Variants in SV2C observed in about 807,000 individuals in gnomAD.
The protein encoded by SV2C is solute carrier family 22 member B3.
Under a neutral mutation model 79.7 loss-of-function variants are expected in SV2C, and 49 were observed. The ratio of observed to expected loss-of-function variants is 0.61; its 90% CI spans 0.49 to 0.78. SV2C has a LOEUF of 0.78. Ranked by LOEUF, SV2C falls within the 30% of genes least tolerant of loss-of-function variation. The pLI is 0.00. For missense variants in SV2C, 833 were observed against 912.9 expected, an observed-to-expected ratio of 0.91 and a Z score of 1.13; for synonymous variants, 334 against 333.2, an observed-to-expected ratio of 1.00 and a Z score of -0.03.
At chr5:75,984,575 C>CTA in the SV2C span, among the ~76,000 whole-genome samples, 70 of 81,296 alleles carry the variant, frequency 8.6e-4, no homozygotes, top group East Asian at 1.8e-3. Flanking sequence ...CTATATCTAT[C>CTA]TATCTATCTA....
At chr5:75,943,718 G>A in the SV2C span, among the ~76,000 whole-genome samples, 1 of 152,190 alleles carries the variant, frequency 6.6e-6, no homozygotes, top group Non-Finnish European at 1.5e-5. Context: ...GGAAACAAGT[G>A]AGGTCTAGAC....
the SV2C span, among the ~76,000 whole-genome samples, chr5:76,030,289 T>TTTTTTTTATTTATTTA: frequency 6.8e-5 from 8 of 117,872 alleles, no homozygotes; most frequent in African/African-American, 3.1e-4. Context: ...TTTTTTTTTT[T>TTTTTTTTATTTATTTA]TTTATTTATT....
the SV2C span, among the ~76,000 whole-genome samples, chr5:76,030,289 T>TATTTTTTTATTTA: frequency 8.5e-6 from 1 of 117,910 alleles, no homozygotes; most frequent in African/African-American, 3.9e-5. Flanking sequence ...TTTTTTTTTT[T>TATTTTTTTATTTA]TTTATTTATT....
chr5:76,162,079 A>G (rs1742912485), intron 2 of SV2C, among the ~76,000 whole-genome samples: 3 of 149,110 alleles, frequency 2.0e-5, no homozygotes, highest in South Asian at 2.1e-4. Context: ...GGCTTAGAAG[A>G]AAAAAAAAAG....
chr5:76,245,336 TG>T (rs1214985667), intron 4 of SV2C, among the ~76,000 whole-genome samples: 1 of 152,128 alleles, frequency 6.6e-6, no homozygotes, highest in African/African-American at 2.4e-5. Context: ...AGAAACAGGC[TG>T]TGGAAGGGGT....
the SV2C span, among the ~76,000 whole-genome samples, chr5:76,003,277 C>A: frequency 6.6e-6 from 1 of 151,984 alleles, no homozygotes; most frequent in Non-Finnish European, 1.5e-5. Flanking sequence ...ACCATGAGAA[C>A]GGACTAACAC....
rs767726149 is a variant in SV2C at position 76,180,182 on chromosome 5, A to G, written c.581-14737A>G. 5.1e-4 allele frequency among the ~76,000 whole-genome samples: 78 copies of G among 152,210 alleles called. 1 individual carries two copies. Among genetic ancestry groups the G allele is most frequent in the Non-Finnish European group, 2.4e-4 (16 of 68,038 alleles). ...CAATATCAAAAGATTTAATATGAAC[A>G]TAGATCAAAAATTGTTTTCTTGTTC... is the stretch of plus-strand genomic sequence containing the variant. On this transcript the variant is annotated intron_variant, in intron 2 of 12. Coordinates refer to ENST00000502798, the MANE Select transcript of SV2C (RefSeq NM_014979.4).
chr5:75,909,058 T>C, the SV2C span, among the ~76,000 whole-genome samples: 1 of 152,242 alleles, frequency 6.6e-6, no homozygotes, highest in Non-Finnish European at 1.5e-5. Flanking sequence ...CTGTCCTCAC[T>C]TGGCAGAAAA....
chr5:75,898,879 A>G, the SV2C span, among the ~76,000 whole-genome samples: 69 of 152,212 alleles, frequency 4.5e-4, no homozygotes, highest in Non-Finnish European at 8.7e-4. Context: ...GTATTCTCTG[A>G]TGGTAGTTTG....
At chr5:76,010,950 A>G in the SV2C span, among the ~76,000 whole-genome samples, 8 of 152,314 alleles carry the variant, frequency 5.3e-5, no homozygotes, top group Admixed American at 3.9e-4. Flanking sequence ...ATCCTAAAGC[A>G]AAGTAGAGAA....
chr5:76,286,701 A>G (rs1197181760), intron 6 of SV2C: 1 of 152,198 alleles, frequency 6.6e-6, no homozygotes, highest in East Asian at 1.9e-4. Flanking sequence ...GGTTTAATTG[A>G]CTCACAGTTC....
intron 2 of SV2C, among the ~76,000 whole-genome samples, chr5:76,141,823 CAAA>C (rs11313342): frequency 1.0e-3 from 75 of 72,454 alleles, no homozygotes; most frequent in East Asian, 7.1e-3. Flanking sequence ...AAGTCCATCT[CAAA>C]AAAAAAAAAA....
At chr5:75,861,785 G>T in the SV2C span, among the ~76,000 whole-genome samples, 3 of 152,180 alleles carry the variant, frequency 2.0e-5, no homozygotes, top group African/African-American at 7.2e-5. Context: ...GGGACATAAA[G>T]TTGGGAACAA....
the SV2C span, among the ~76,000 whole-genome samples, chr5:75,956,297 C>CA: frequency 6.9e-6 from 1 of 144,818 alleles, no homozygotes; most frequent in Non-Finnish European, 1.5e-5. Flanking sequence ...ATCGCAAGAA[C>CA]AAAAAACCAA....
At chr5:76,132,897 T>A (rs1748950529) in intron 2 of SV2C, among the ~76,000 whole-genome samples, 1 of 151,904 alleles carries the variant, frequency 6.6e-6, no homozygotes, top group African/African-American at 2.4e-5. Context: ...TATAGGTGAT[T>A]TTTAATCTTT....
chr5:76,020,395 T>C, the SV2C span, among the ~76,000 whole-genome samples: 3 of 152,206 alleles, frequency 2.0e-5, no homozygotes, highest in Non-Finnish European at 4.4e-5. Flanking sequence ...ATGAGAGTTC[T>C]ATTACAGTCA....
intron 12 of SV2C, among the ~76,000 whole-genome samples, chr5:76,324,487 G>T (rs550297700): frequency 3.9e-5 from 6 of 152,134 alleles, no homozygotes; most frequent in Non-Finnish European, 8.8e-5. Context: ...AATGAACTGC[G>T]CTTTATGCCT....
At chr5:76,068,276 T>C in the SV2C span, among the ~76,000 whole-genome samples, 1 of 152,198 alleles carries the variant, frequency 6.6e-6, no homozygotes, top group Admixed American at 6.5e-5. Flanking sequence ...ATTTTAAGAA[T>C]TAACATTTTA....
chr5:76,203,429 G>A (rs186934201), intron 3 of SV2C, among the ~76,000 whole-genome samples: 2 of 152,294 alleles, frequency 1.3e-5, no homozygotes, highest in African/African-American at 4.8e-5. Flanking sequence ...ATTAATTATA[G>A]AACATCATAA....
Sources: allele counts gnomAD v4.1 joint callset (sites outside exome capture counted in the v4.1 genomes callset), GRCh38; gene constraint gnomAD v4.1.1; transcripts MANE v1.5; gene names NCBI Gene and HGNC (gene_info 2026-07-23, HGNC 2026-07-21).